C12orf42: variants seen among roughly 807,000 people sequenced by gnomAD.
The protein encoded by C12orf42 is uncharacterized protein C12orf42.
Under a neutral mutation model 21.6 loss-of-function variants are expected in C12orf42, and 25 were observed. That is an observed-to-expected ratio of 1.16 (90% CI 0.84 to 1.62). The LOEUF is 1.62. Among genes scored for constraint, C12orf42 ranks in the 40% most tolerant of loss-of-function variants. The pLI is 0.00. For synonymous variants in C12orf42, 174 were observed against 175.0 expected (o/e 0.99, Z 0.05); for missense variants, 483 against 459.3 (o/e 1.05, Z -0.47).
intron 10 of C12orf42, among the ~76,000 whole-genome samples, chr12:103,262,750 C>A (rs1020007927): frequency 1.3e-5 from 2 of 152,098 alleles, no homozygotes; most frequent in African/African-American, 4.8e-5. Context: ...TGTGGCGATT[C>A]ATCAAGGATA....
chr12:103,194,574 T>A, the C12orf42 span, among the ~76,000 whole-genome samples: 1 of 151,892 alleles, frequency 6.6e-6, no homozygotes, highest in East Asian at 1.9e-4. Flanking sequence ...TACGATAGCA[T>A]CAAAAATAAT....
At chr12:103,068,402 A>G in the C12orf42 span, among the ~76,000 whole-genome samples, 11 of 151,982 alleles carry the variant, frequency 7.2e-5, no homozygotes, top group Non-Finnish European at 1.3e-4. Flanking sequence ...GGTAATTATG[A>G]CCTTATTATT....
chr12:103,363,984 G>C (rs903112266), intron 4 of C12orf42, among the ~76,000 whole-genome samples: 1 of 152,034 alleles, frequency 6.6e-6, no homozygotes, highest in African/African-American at 2.4e-5. Context: ...CTATACCCTA[G>C]AACAAATGGA....
intron 4 of C12orf42, among the ~76,000 whole-genome samples, chr12:103,334,335 A>C (rs1464348586): frequency 3.3e-5 from 5 of 152,190 alleles, no homozygotes; most frequent in African/African-American, 1.2e-4. Context: ...TTTAAATTTT[A>C]ATTTAAAAAC....
chr12:103,222,966 C>T, the C12orf42 span, among the ~76,000 whole-genome samples: 1 of 151,750 alleles, frequency 6.6e-6, no homozygotes, highest in Non-Finnish European at 1.5e-5. Context: ...TCTTCACTGG[C>T]TTCTTCCATT....
chr12:103,314,025 A>G (rs1459552014), intron 4 of C12orf42, among the ~76,000 whole-genome samples: 1 of 152,202 alleles, frequency 6.6e-6, no homozygotes, highest in Admixed American at 6.5e-5. Flanking sequence ...ACAGAGAAAC[A>G]TGAGTGGAGA....
At chr12:103,373,233 A>G (rs896792993) in intron 3 of C12orf42, among the ~76,000 whole-genome samples, 94 of 152,306 alleles carry the variant, frequency 6.2e-4, no homozygotes, top group African/African-American at 2.1e-3. Flanking sequence ...GGCGCACCTC[A>G]CGCCACAGGC....
At chr12:103,190,057 C>G in the C12orf42 span, among the ~76,000 whole-genome samples, 1 of 151,990 alleles carries the variant, frequency 6.6e-6, no homozygotes, top group African/African-American at 2.4e-5. Flanking sequence ...GGCAATGTCC[C>G]ATCATAGGAG....
chr12:103,438,621 A>G (rs1466385761), intron 2 of C12orf42, among the ~76,000 whole-genome samples: 1 of 151,848 alleles, frequency 6.6e-6, no homozygotes, highest in Non-Finnish European at 1.5e-5. Context: ...CAACAGACAA[A>G]CAGAGAGCCA....
intron 3 of C12orf42, among the ~76,000 whole-genome samples, chr12:103,369,347 C>CAA (rs35959433): frequency 0.13 from 18,778 of 149,350 alleles, 1,440 homozygotes; most frequent in African/African-American, 0.23. Context: ...TGGAGAGTGA[C>CAA]AAAAAAAAAC....
chr12:103,482,792 A>AT (rs1266143955), intron 1 of C12orf42, among the ~76,000 whole-genome samples: 2 of 150,414 alleles, frequency 1.3e-5, no homozygotes, highest in East Asian at 2.0e-4. Context: ...CTTTTTGTTT[A>AT]TTTTTTCTTT....
At chr12:103,217,307 G>A in the C12orf42 span, among the ~76,000 whole-genome samples, 1 of 152,022 alleles carries the variant, frequency 6.6e-6, no homozygotes, top group African/African-American at 2.4e-5. Flanking sequence ...ATCACTTGAA[G>A]CTAGTTCAAG....
chr12:103,345,939 T>C (rs1384182963), intron 4 of C12orf42, among the ~76,000 whole-genome samples: 1 of 152,184 alleles, frequency 6.6e-6, no homozygotes, highest in Non-Finnish European at 1.5e-5. Flanking sequence ...TTCAAAGCAA[T>C]GATAAGTGCA....
chr12:103,546,375 G>A, the C12orf42 span, among the ~76,000 whole-genome samples: 1 of 152,170 alleles, frequency 6.6e-6, no homozygotes. Flanking sequence ...AGGATCCAGG[G>A]CACATCTTCC....
rs371887251 is a variant in C12orf42 at position 103,474,454 on chromosome 12, A to ATGTGTGTG, written c.78+3887_78+3894dup. On this transcript the variant is annotated intron_variant, in intron 2 of 5. Transcript: ENST00000548883. ...TATGTATGTATACATGTATGTATGT[A>ATGTGTGTG]TGTGTGTGTGTGTGTGTGTGTGTGT... is the stretch of plus-strand genomic sequence containing the variant. 7.9e-3 allele frequency among the ~76,000 whole-genome samples: 1,176 copies of ATGTGTGTG among 149,350 alleles called. 16 individuals are homozygous for ATGTGTGTG. The highest frequency in any genetic ancestry group is 0.027 in the African/African-American group (1,100 of 40,598).
the C12orf42 span, among the ~76,000 whole-genome samples, chr12:103,089,029 G>C: frequency 1.3e-5 from 2 of 151,020 alleles, no homozygotes; most frequent in Non-Finnish European, 2.9e-5. Flanking sequence ...GTGAACCCGG[G>C]AGGCGGAGCT....
intron 2 of C12orf42, among the ~76,000 whole-genome samples, chr12:103,407,544 TTTCTC>T (rs770183797): frequency 2.6e-4 from 40 of 152,220 alleles, no homozygotes; most frequent in Non-Finnish European, 4.7e-4. Flanking sequence ...AATAACATCT[TTTCTC>T]TATCTTACTT....
At chr12:103,546,815 G>A in the C12orf42 span, among the ~76,000 whole-genome samples, 1 of 152,146 alleles carries the variant, frequency 6.6e-6, no homozygotes, top group Non-Finnish European at 1.5e-5. Flanking sequence ...CCCTAATGCA[G>A]GCTATAAAAC....
the C12orf42 span, among the ~76,000 whole-genome samples, chr12:103,096,965 G>T: frequency 6.6e-6 from 1 of 152,158 alleles, no homozygotes; most frequent in African/African-American, 2.4e-5. Context: ...AATATATTGT[G>T]ATGTTGATAG....
Sources: gnomAD v4.1 joint callset for allele counts (sites outside exome capture counted in the v4.1 genomes callset) on GRCh38, gnomAD v4.1.1 for gene constraint, MANE v1.5 for transcripts, NCBI Gene and HGNC (gene_info 2026-07-23, HGNC 2026-07-21) for gene names.